The following NRG1 variants were observed in gnomAD, a reference collection of about 807,000 sequenced individuals.
NRG1 encodes pro-neuregulin-1, membrane-bound isoform.
Under a neutral mutation model 63.8 loss-of-function variants are expected in NRG1, and 18 were observed. That is an observed-to-expected ratio of 0.28 (90% confidence interval 0.19 to 0.42). The LOEUF is 0.42. Ranked by LOEUF, NRG1 falls within the 10% of genes least tolerant of loss-of-function variation. The pLI is 1.00. For missense variants in NRG1, 762 were observed against 814.7 expected (o/e 0.94, Z 0.79); for synonymous variants, 302 against 301.3 (o/e 1.00, Z -0.02).
At chr8:32,191,653 A>G (rs73576643) in intron 1 of NRG1, among the ~76,000 whole-genome samples, 2,034 of 152,326 alleles carry the variant, frequency 0.013, 55 homozygotes, top group African/African-American at 0.046. Context: ...ATGCATTTTT[A>G]AAAATACTAC....
intron 1 of NRG1, among the ~76,000 whole-genome samples, chr8:31,670,223 A>G (rs947049010): frequency 6.6e-6 from 1 of 152,174 alleles, no homozygotes; most frequent in African/African-American, 2.4e-5. Flanking sequence ...AAAACTTACT[A>G]AAAGTCATCC....
intron 1 of NRG1, among the ~76,000 whole-genome samples, chr8:31,859,529 T>A (rs1199084139): frequency 6.6e-6 from 1 of 152,250 alleles, no homozygotes; most frequent in Admixed American, 6.5e-5. Context: ...TGAAGTGCTA[T>A]AATGATGCCC....
chr8:32,429,497 AC>A (rs1435442323), intron 1 of NRG1, among the ~76,000 whole-genome samples: 3 of 152,220 alleles, frequency 2.0e-5, no homozygotes, highest in Non-Finnish European at 4.4e-5. Context: ...GCAGTAACTT[AC>A]GCAAATATGT....
chr8:31,921,322 A>G (rs542683699), intron 1 of NRG1, among the ~76,000 whole-genome samples: 5 of 152,268 alleles, frequency 3.3e-5, no homozygotes, highest in Non-Finnish European at 7.4e-5. Context: ...TGTGTTCTCA[A>G]CTGCACTGTC....
At chr8:32,687,854 C>T (rs927128953) in intron 5 of NRG1, among the ~76,000 whole-genome samples, 3 of 151,988 alleles carry the variant, frequency 2.0e-5, no homozygotes, top group African/African-American at 4.8e-5. Flanking sequence ...AAAAATAGAC[C>T]AGGCATGATG....
chr8:32,279,840 C>A (rs964945059), intron 1 of NRG1, among the ~76,000 whole-genome samples: 3 of 152,190 alleles, frequency 2.0e-5, no homozygotes, highest in African/African-American at 7.2e-5. Flanking sequence ...GGTTTTCTGA[C>A]TGATGTGTAG....
At position 32,583,003 on chromosome 8, in the gene NRG1, T is replaced by C. The variant is rs192498243; in HGVS notation, c.101-12825T>C. The stretch of plus-strand genomic sequence containing the variant: ...GTATTCCTTTATATTGGCTGCCCTT[T>C]CCTTTGAGCATTTCGGTAACTTTTC... On this transcript the variant is annotated intron_variant, in intron 1 of 11. Coordinates refer to ENST00000356819, the Ensembl canonical transcript of NRG1. Among the ~76,000 whole-genome samples, 1,094 of 152,276 alleles carry C rather than the reference T, an allele frequency of 7.2e-3. 15 individuals carry two copies. The highest frequency in any genetic ancestry group is 0.025 in the African/African-American group (1,028 of 41,560).
chr8:32,136,599 C>G (rs987373368), intron 1 of NRG1: 1 of 152,044 alleles, frequency 6.6e-6, no homozygotes, highest in African/African-American at 2.4e-5. Context: ...AAGCATGGTA[C>G]AGGTAGATGG....
At chr8:32,355,977 G>A (rs113549041) in intron 1 of NRG1, among the ~76,000 whole-genome samples, 2,300 of 152,212 alleles carry the variant, frequency 0.015, 59 homozygotes, top group African/African-American at 0.053. Context: ...GTGTGTGTGC[G>A]TGTGTATAAC....
intron 1 of NRG1, among the ~76,000 whole-genome samples, chr8:31,900,178 G>A (rs558176817): frequency 6.6e-6 from 1 of 152,294 alleles, no homozygotes; most frequent in East Asian, 1.9e-4. Flanking sequence ...TTCACTAATA[G>A]TGGCTTTATA....
chr8:32,767,920 A>C (rs1466613304), exon 12 of NRG1: 1 of 152,212 alleles, frequency 6.6e-6, no homozygotes. Flanking sequence ...TCCATTTTCC[A>C]TGAAAGACAT....
At chr8:32,075,259 A>G (rs781676501) in intron 1 of NRG1, among the ~76,000 whole-genome samples, 2 of 151,978 alleles carry the variant, frequency 1.3e-5, no homozygotes, top group Non-Finnish European at 2.9e-5. Flanking sequence ...ATCACTGACC[A>G]TATTACTTAT....
At chr8:32,366,677 G>GTGTGTGTGTGTGTGTATA (rs1164696498) in intron 1 of NRG1, among the ~76,000 whole-genome samples, 1 of 87,522 alleles carries the variant, frequency 1.1e-5, no homozygotes, top group African/African-American at 4.6e-5. Flanking sequence ...GTGTGTGTGT[G>GTGTGTGTGTGTGTGTATA]TATATATATA....
intron 1 of NRG1, among the ~76,000 whole-genome samples, chr8:32,295,446 T>G (rs1363332761): frequency 6.6e-6 from 1 of 152,168 alleles, no homozygotes; most frequent in Non-Finnish European, 1.5e-5. Context: ...TTGCTTTTCA[T>G]GTAGGGGTTT....
At chr8:32,263,496 C>T (rs1850601232) in intron 1 of NRG1, among the ~76,000 whole-genome samples, 1 of 152,132 alleles carries the variant, frequency 6.6e-6, no homozygotes, top group Non-Finnish European at 1.5e-5. Flanking sequence ...CATTGTCAGA[C>T]CCGCACTTTT....
chr8:32,267,769 G>GGAGAGAAGA (rs1851133308), intron 1 of NRG1, among the ~76,000 whole-genome samples: 1 of 152,176 alleles, frequency 6.6e-6, no homozygotes, highest in African/African-American at 2.4e-5. Flanking sequence ...AAATGGAGCT[G>GGAGAGAAGA]ATGTTCATCT....
At chr8:31,964,655 T>A (rs908558673) in intron 1 of NRG1, among the ~76,000 whole-genome samples, 3 of 152,134 alleles carry the variant, frequency 2.0e-5, no homozygotes, top group Non-Finnish European at 2.9e-5. Context: ...CAAGACCCTG[T>A]ATCAAAAACA....
At chr8:31,894,552 TC>T (rs67025801) in intron 1 of NRG1, among the ~76,000 whole-genome samples, 33,691 of 141,204 alleles carry the variant, frequency 0.24, 5,353 homozygotes, top group East Asian at 0.68. Context: ...CTTTCTTTTT[TC>T]TTTTTTTTTT....
At chr8:32,129,244 G>A (rs771542415) in intron 1 of NRG1, among the ~76,000 whole-genome samples, 8 of 151,890 alleles carry the variant, frequency 5.3e-5, no homozygotes, top group Non-Finnish European at 1.0e-4. Context: ...TATAACTAAC[G>A]CTAGCGTGGT....
Sources: allele counts gnomAD v4.1 joint callset (sites outside exome capture counted in the v4.1 genomes callset), GRCh38; gene constraint gnomAD v4.1.1; transcripts MANE v1.5; gene names NCBI Gene and HGNC (gene_info 2026-07-23, HGNC 2026-07-21).